Variants in C10orf71 observed in about 807,000 individuals in gnomAD.
C10orf71 encodes the protein chromosome 10 open reading frame 71.
For synonymous variants in C10orf71, 758 were observed against 726.3 expected, an observed-to-expected ratio of 1.04 and a Z score of -0.70; for missense variants, 1,869 against 1,804.5, an observed-to-expected ratio of 1.04 and a Z score of -0.65.
In C10orf71 at chr10:49,326,418, A is replaced by T. The variant is rs780504512; in HGVS notation, c.3873A>T (p.Pro1291=). The change falls in exon 3 of 3, where the codon CCA becomes CCT. Residue 1291 remains proline (P), a synonymous_variant. Transcript: ENST00000374144. ...GGGAGTACTTTGTCTTCGACTTGCC[A>T]CTCCAGGTGAAAATCAAGACCTTCT... ...QSGEYFVFDL[P]LQVKIKTFYD... is the part of the protein sequence containing the mutation. 1.4e-4 allele frequency: 214 copies of T among 1,549,894 alleles called. No homozygotes were observed. Among genetic ancestry groups the T allele is most frequent in the Non-Finnish European group, 1.7e-4 (193 of 1,146,780 alleles).
Position 49,322,402 on chromosome 10 carries a change from A to AG in C10orf71, c.-143dup. 4.0e-6 allele frequency: 4 copies of AG among 989,194 alleles called. No homozygotes were observed. The highest frequency in any genetic ancestry group is 5.7e-6 in the Non-Finnish European group (4 of 696,378). 61.3% of individuals were successfully genotyped at this position (989,194 alleles called of 1,614,324 possible). A position where few individuals can be genotyped will look rare whatever the true frequency, so the allele number is the denominator to read the frequency against. On this transcript the variant is annotated splice_region_variant and 5_prime_UTR_variant, in exon 3 of 3. Coordinates refer to ENST00000374144, the MANE Select transcript of C10orf71 (RefSeq NM_001135196.2). ...CGCCCTGCACCTTTTTCTTTTGCAG[A>AG]GAAAAAAAAAAATCCCCACTTTGCA...
At chr10:49,314,188 C>T (rs111821204) in intron 1 of C10orf71, among the ~76,000 whole-genome samples, 287 of 152,054 alleles carry the variant, frequency 1.9e-3, no homozygotes, top group Middle Eastern at 6.8e-3. Context: ...CATTAAAGGC[C>T]GAGTGAAATG....
At chr10:49,313,508 C>T (rs540926289) in intron 1 of C10orf71, among the ~76,000 whole-genome samples, 16 of 152,248 alleles carry the variant, frequency 1.1e-4, no homozygotes, top group African/African-American at 3.4e-4. Flanking sequence ...TTGATATGAA[C>T]AAGTTTGAGT....
intron 1 of C10orf71, among the ~76,000 whole-genome samples, chr10:49,311,310 A>G (rs944915700): frequency 6.6e-6 from 1 of 152,186 alleles, no homozygotes; most frequent in Non-Finnish European, 1.5e-5. Flanking sequence ...CGTCCTTACA[A>G]CCTGGGACAC....
At chr10:49,322,349 T>G in intron 2 of C10orf71, 53 bp from the exon 3 acceptor site, 1 of 572,866 alleles carries the variant, frequency 1.7e-6, no homozygotes, top group South Asian at 2.5e-5. Flanking sequence ...CAGCACATAT[T>G]CTTGTGTAGA....
At chr10:49,321,215 C>A (rs945517464) in intron 2 of C10orf71, among the ~76,000 whole-genome samples, 6 of 151,980 alleles carry the variant, frequency 3.9e-5, no homozygotes, top group African/African-American at 1.5e-4. Flanking sequence ...ACAAATAACT[C>A]CCCCCTTCCC....
chr10:49,307,475 C>T (rs994491102), intron 1 of C10orf71, among the ~76,000 whole-genome samples: 7 of 152,248 alleles, frequency 4.6e-5, no homozygotes, highest in African/African-American at 1.7e-4. Flanking sequence ...AATGCTCCAC[C>T]TCCAGAAGCG....
intron 1 of C10orf71, among the ~76,000 whole-genome samples, chr10:49,309,522 A>G (rs1848874469): frequency 6.6e-6 from 1 of 152,202 alleles, no homozygotes; most frequent in African/African-American, 2.4e-5. Flanking sequence ...TAAGCCTCCT[A>G]GCCTATGATA....
Position 49,322,647 on chromosome 10 carries a change from C to T in C10orf71, c.102C>T (p.Asp34=). ...ACAGGGAGGTGAGCAGCCTAACAGA[C>T]CGGGCATTCCGGAGTTTGTGCATCT... The part of the protein sequence containing the change: ...DADREVSSLT[D]RAFRSLCISE... Residue 34 remains aspartate (D), a synonymous_variant, in exon 3 of 3, where the codon GAC becomes GAT. Transcript: ENST00000374144. 3 of 1,613,518 alleles carry T rather than the reference C, an allele frequency of 1.9e-6. No individual in the cohort carries two copies. Among genetic ancestry groups the T allele is most frequent in the Non-Finnish European group, 2.5e-6 (3 of 1,179,656 alleles).
At chr10:49,320,707 T>C (rs181851182) in intron 2 of C10orf71, among the ~76,000 whole-genome samples, 5 of 152,224 alleles carry the variant, frequency 3.3e-5, no homozygotes, top group Non-Finnish European at 7.4e-5. Context: ...TCAGAACCAA[T>C]AGGATATGTG....
intron 1 of C10orf71, among the ~76,000 whole-genome samples, chr10:49,308,187 G>A (rs1848849773): frequency 6.6e-6 from 1 of 152,196 alleles, no homozygotes; most frequent in African/African-American, 2.4e-5. Context: ...AGGCAAGCTG[G>A]TTTCTTCAAC....
chr10:49,325,286 T>C lies in C10orf71; in HGVS notation c.2741T>C (p.Leu914Pro). 1.3e-6 allele frequency: 2 copies of C among 1,551,750 alleles called. No individual in the cohort carries two copies. The highest frequency in any genetic ancestry group is 1.4e-5 in the African/African-American group (1 of 73,160). The change falls in exon 3 of 3, where the codon CTT (leucine) becomes CCT (proline). Residue 914 changes from leucine (L) to proline (P), a missense_variant. Coordinates refer to ENST00000374144, the MANE Select transcript of C10orf71 (RefSeq NM_001135196.2). Reference sequence around the variant, plus strand: ...TGTGCCCCCGAAAACCAGGACATTCTTGGTACATCGACACCCACTAACACA... The same window carrying C: ...TGTGCCCCCGAAAACCAGGACATTCCTGGTACATCGACACCCACTAACACA... ...GFCAPENQDI[L>P]GTSTPTNTRG...
chr10:49,323,960 C>T lies in C10orf71; in HGVS notation c.1415C>T (p.Pro472Leu). 1.9e-6 allele frequency: 3 copies of T among 1,613,860 alleles called. No homozygotes were observed. The highest frequency in any genetic ancestry group is 1.1e-5 in the South Asian group (1 of 91,056). The change falls in exon 3 of 3, where the codon CCA (proline) becomes CTA (leucine). Residue 472 changes from proline to leucine, a missense_variant. Coordinates refer to ENST00000374144, the MANE Select transcript of C10orf71 (RefSeq NM_001135196.2). ...SQPAERTPSP[P>L]GQLNGYQEKE... Reference sequence around the variant, plus strand: ...CCAGCAGAGCGAACCCCATCACCCCCAGGACAGCTAAACGGATACCAAGAG... The same window carrying T: ...CCAGCAGAGCGAACCCCATCACCCCTAGGACAGCTAAACGGATACCAAGAG...
In C10orf71 at chr10:49,323,345, G is replaced by C. The variant is rs1220575165; in HGVS notation, c.800G>C (p.Gly267Ala). 1 of 1,613,844 alleles carries C rather than the reference G, an allele frequency of 6.2e-7. No individual in the cohort carries two copies. Among genetic ancestry groups the C allele is most frequent in the East Asian group, 2.2e-5 (1 of 44,878 alleles). The change falls in exon 3 of 3, where the codon GGT (glycine) becomes GCT (alanine). Residue 267 changes from glycine to alanine, a missense_variant. Transcript: ENST00000374144. ...PVTGEPGRGK[G>A]TFLHSENSAF... ...ACGGGTGAGCCTGGGAGAGGCAAAGGTACCTTTCTGCACAGTGAAAATAGT... is the reference window on the plus strand; with the variant it reads ...ACGGGTGAGCCTGGGAGAGGCAAAGCTACCTTTCTGCACAGTGAAAATAGT...
intron 1 of C10orf71, among the ~76,000 whole-genome samples, chr10:49,310,787 A>ATGG (rs1256714834): frequency 6.6e-6 from 1 of 151,368 alleles, no homozygotes; most frequent in Non-Finnish European, 1.5e-5. Flanking sequence ...GATGATGATG[A>ATGG]TGATGATGAT....
chr10:49,307,782 G>A (rs1418621119), intron 1 of C10orf71, among the ~76,000 whole-genome samples: 3 of 152,158 alleles, frequency 2.0e-5, no homozygotes, highest in Non-Finnish European at 4.4e-5. Context: ...GAACCAGGAG[G>A]GGACAGGTTT....
chr10:49,308,559 C>T (rs1590326512), intron 1 of C10orf71, among the ~76,000 whole-genome samples: 1 of 152,202 alleles, frequency 6.6e-6, no homozygotes. Context: ...CTCTGCTTTA[C>T]ACACATAAGA....
At position 49,326,917 on chromosome 10, in the gene C10orf71, A is replaced by G; in HGVS notation, c.*64A>G. The stretch of plus-strand genomic sequence containing the variant: ...AGGAGCTTACTTCCCCCTCCCCCAA[A>G]ACAAGCAACACACACACACACACAC... On this transcript the variant is annotated 3_prime_UTR_variant, in exon 3 of 3. Coordinates refer to ENST00000374144, the MANE Select transcript of C10orf71 (RefSeq NM_001135196.2). 6.8e-7 allele frequency: 1 copy of G among 1,474,136 alleles called. No homozygotes were observed. The highest frequency in any genetic ancestry group is 2.8e-5 in the East Asian group (1 of 36,016). The allele number at this position is 1,474,136 out of a possible 1,614,324, so 91.3% of individuals were successfully genotyped here.
At chr10:49,319,920 A>G (rs541318392) in intron 2 of C10orf71, among the ~76,000 whole-genome samples, 1 of 152,172 alleles carries the variant, frequency 6.6e-6, no homozygotes, top group South Asian at 2.1e-4. Context: ...TTGCACTTTT[A>G]TGAGCTTCCT....
Sources: gnomAD v4.1 joint callset for allele counts (sites outside exome capture counted in the v4.1 genomes callset) on GRCh38, gnomAD v4.1.1 for gene constraint, MANE v1.5 for transcripts, NCBI Gene and HGNC (gene_info 2026-07-23, HGNC 2026-07-21) for gene names.